Variants in EXT1 observed in about 807,000 individuals in gnomAD.
EXT1 encodes the protein exostosin-1.
A neutral mutation model predicts 82.5 loss-of-function variants in EXT1; 20 were observed. The ratio of observed to expected loss-of-function variants is 0.24; its 90% CI spans 0.17 to 0.35. The LOEUF is 0.35. EXT1 is among the 10% of genes least tolerant of loss of function. The probability of loss-of-function intolerance (pLI) is 1.00; values close to 1 mark genes in which losing one functional copy is unlikely to be tolerated. For missense variants in EXT1, 757 were observed against 936.5 expected, an observed-to-expected ratio of 0.81 and a Z score of 2.50; for synonymous variants, 348 against 350.8, an observed-to-expected ratio of 0.99 and a Z score of 0.09.
At chr8:117,870,823 TCACACACACA>T in intron 1 of EXT1, among the ~76,000 whole-genome samples, 1 of 146,870 alleles carries the variant, frequency 6.8e-6, no homozygotes, top group South Asian at 2.2e-4. Flanking sequence ...AAATGCTTTG[TCACACACACA>T]CACACACACA....
At chr8:117,902,830 A>G (rs992071253) in intron 1 of EXT1, among the ~76,000 whole-genome samples, 1 of 152,232 alleles carries the variant, frequency 6.6e-6, no homozygotes, top group African/African-American at 2.4e-5. Flanking sequence ...TTCAAATAGA[A>G]TCCTTATCGT....
At chr8:117,913,367 G>A (rs1159048885) in intron 1 of EXT1, among the ~76,000 whole-genome samples, 1 of 152,100 alleles carries the variant, frequency 6.6e-6, no homozygotes, top group Non-Finnish European at 1.5e-5. Context: ...CTCCAGTCTA[G>A]GGGCCCCAGT....
At chr8:117,974,366 C>CTGCTGTAGTATCTCCTCCA (rs1815024208) in intron 1 of EXT1, among the ~76,000 whole-genome samples, 1 of 152,176 alleles carries the variant, frequency 6.6e-6, no homozygotes, top group East Asian at 1.9e-4. Flanking sequence ...GCCCTCTTCC[C>CTGCTGTAGTATCTCCTCCA]TGCTGTAGTA....
chr8:117,933,234 GTATT>G (rs779790608), intron 1 of EXT1, among the ~76,000 whole-genome samples: 1 of 82,736 alleles, frequency 1.2e-5, no homozygotes, highest in Non-Finnish European at 2.3e-5. Context: ...GTTCTGCTGG[GTATT>G]TTTTTTTTTT....
chr8:117,841,018 T>A (rs1812266768), intron 1 of EXT1, among the ~76,000 whole-genome samples: 1 of 152,182 alleles, frequency 6.6e-6, no homozygotes, highest in African/African-American at 2.4e-5. Context: ...CAGTTCCTTT[T>A]CAAACTAAAA....
intron 1 of EXT1, among the ~76,000 whole-genome samples, chr8:117,922,949 T>C (rs1401030497): frequency 6.6e-6 from 1 of 152,180 alleles, no homozygotes; most frequent in Admixed American, 6.5e-5. Context: ...TCCTGAGCAA[T>C]TGTCCATGGG....
chr8:117,997,716 T>A (rs772775119), intron 1 of EXT1, among the ~76,000 whole-genome samples: 18 of 152,218 alleles, frequency 1.2e-4, no homozygotes, highest in Non-Finnish European at 2.2e-4. Context: ...CAGCCTACTC[T>A]GTGCTTGGTC....
intron 1 of EXT1, among the ~76,000 whole-genome samples, chr8:117,982,203 G>A (rs1202240139): frequency 6.6e-6 from 1 of 152,192 alleles, no homozygotes; most frequent in Non-Finnish European, 1.5e-5. Flanking sequence ...GGTCTTCTTA[G>A]GAGCACACGT....
At chr8:117,968,545 A>AT (rs1814870229) in intron 1 of EXT1, among the ~76,000 whole-genome samples, 1 of 73,054 alleles carries the variant, frequency 1.4e-5, no homozygotes, top group Non-Finnish European at 2.3e-5. Flanking sequence ...TTATTTATTT[A>AT]TTTATTTATT....
chr8:117,902,631 A>G (rs1813471250), intron 1 of EXT1, among the ~76,000 whole-genome samples: 1 of 152,228 alleles, frequency 6.6e-6, no homozygotes, highest in African/African-American at 2.4e-5. Context: ...CAAACAAAAT[A>G]AATGGCAAAA....
At chr8:117,827,007 G>A (rs997007927) in intron 4 of EXT1, among the ~76,000 whole-genome samples, 3 of 152,144 alleles carry the variant, frequency 2.0e-5, no homozygotes, top group Non-Finnish European at 2.9e-5. Context: ...CAAAAGACAT[G>A]TAATTAATGA....
intron 1 of EXT1, among the ~76,000 whole-genome samples, chr8:117,911,176 T>C (rs536606851): frequency 6.6e-6 from 1 of 152,258 alleles, no homozygotes; most frequent in South Asian, 2.1e-4. Flanking sequence ...AGTTCTTTAG[T>C]GTTATTAAGT....
At chr8:118,098,422 C>G (rs1277930286) in intron 1 of EXT1, among the ~76,000 whole-genome samples, 1 of 152,046 alleles carries the variant, frequency 6.6e-6, no homozygotes, top group African/African-American at 2.4e-5. Flanking sequence ...CCTGAGCCCA[C>G]AGCCCAAGTC....
chr8:118,075,416 G>A (rs1817189681), intron 1 of EXT1, among the ~76,000 whole-genome samples: 1 of 152,174 alleles, frequency 6.6e-6, no homozygotes, highest in African/African-American at 2.4e-5. Context: ...GTCCTCTAAG[G>A]CACAGAAATG....
At chr8:118,013,376 T>A (rs1815941244) in intron 1 of EXT1, among the ~76,000 whole-genome samples, 1 of 152,130 alleles carries the variant, frequency 6.6e-6, no homozygotes, top group Non-Finnish European at 1.5e-5. Context: ...GCCCAACTAA[T>A]TTTTGTATTT....
At chr8:118,101,892 C>G (rs151262296) in intron 1 of EXT1, among the ~76,000 whole-genome samples, 230 of 151,866 alleles carry the variant, frequency 1.5e-3, no homozygotes, top group African/African-American at 5.2e-3. Flanking sequence ...AGAGAGAGAC[C>G]CTAGTCAAGA....
At position 117,812,948 on chromosome 8, in the gene EXT1, C is replaced by A. The variant is rs1317388728; in HGVS notation, c.1646G>T (p.Arg549Leu). 6.2e-7 allele frequency: 1 copy of A among 1,613,614 alleles called. No individual in the cohort carries two copies. Among genetic ancestry groups the A allele is most frequent in the Non-Finnish European group, 8.5e-7 (1 of 1,179,896 alleles). ...IEGESKVMSSRFLPYDNIITD... is the reference protein window; with the variant it reads ...IEGESKVMSSLFLPYDNIITD... ...GATGATGTTGTCGTAGGGCAGAAAA[C>A]GGCTGCTCATAACCTGGGAGGAAGT... Residue 549 changes from arginine to leucine, a missense_variant, in exon 8 of 11, where the codon CGT becomes CTT. Around this residue, in one of 4 missense-constraint regions of EXT1, gnomAD observed 207 missense variants for 224.2 expected, o/e 0.92. Coordinates refer to ENST00000378204, the MANE Select transcript of EXT1 (RefSeq NM_000127.3).
rs111366491 is a variant in EXT1 at position 117,919,745 on chromosome 8, C to A, written c.963-82544G>T. 2.2e-4 allele frequency among the ~76,000 whole-genome samples: 33 copies of A among 152,224 alleles called. No individual in the cohort carries two copies. In the South Asian group the frequency reaches 2.3e-3, roughly 11 times the overall value. ...GTCTTAACTCCTGGGTTCAAGTGATCCTTCCACTTCAGCCTCCCAAAGTGC... is the reference window on the plus strand; with the variant it reads ...GTCTTAACTCCTGGGTTCAAGTGATACTTCCACTTCAGCCTCCCAAAGTGC... On this transcript the variant is annotated intron_variant, in intron 1 of 10. Transcript: ENST00000378204.
chr8:117,848,748 C>T (rs1038401318), intron 1 of EXT1, among the ~76,000 whole-genome samples: 1 of 152,168 alleles, frequency 6.6e-6, no homozygotes, highest in African/African-American at 2.4e-5. Context: ...AATCCCATTC[C>T]TCCTTCAGCT....
Sources: allele counts gnomAD v4.1 joint callset (sites outside exome capture counted in the v4.1 genomes callset), GRCh38; gene constraint gnomAD v4.1.1; regional missense constraint gnomAD v4.1.1; transcripts MANE v1.5; gene names NCBI Gene and HGNC (gene_info 2026-07-23, HGNC 2026-07-21).